The following PTPRK variants were observed in gnomAD, a reference collection of about 807,000 sequenced individuals.
PTPRK encodes receptor-type tyrosine-protein phosphatase kappa.
In PTPRK, 75 loss-of-function variants were observed where a neutral mutation model predicts 178.0. That is an observed-to-expected ratio of 0.42 (90% confidence interval 0.35 to 0.51). The LOEUF (loss-of-function observed/expected upper bound fraction) is 0.51, where lower values mean the gene tolerates loss of function less well. Ranked by LOEUF, PTPRK falls within the 20% of genes least tolerant of loss-of-function variation. PTPRK has a pLI of 0.02. For missense variants in PTPRK, 1,441 were observed against 1,797.8 expected (o/e 0.80, Z 3.59); for synonymous variants, 637 against 620.6 (o/e 1.03, Z -0.39).
chr6:128,280,156 T>G (rs1821441305), intron 3 of PTPRK, among the ~76,000 whole-genome samples: 1 of 152,146 alleles, frequency 6.6e-6, no homozygotes, highest in Non-Finnish European at 1.5e-5. Flanking sequence ...CTTATCAAAC[T>G]TAATATCTCC....
At chr6:128,186,720 A>G (rs1287741706) in intron 6 of PTPRK, among the ~76,000 whole-genome samples, 1 of 152,142 alleles carries the variant, frequency 6.6e-6, no homozygotes, top group Non-Finnish European at 1.5e-5. Context: ...AAATTTTACC[A>G]ACTGCTCTAA....
rs536250906 is a variant in PTPRK at position 128,201,710 on chromosome 6, A to C, written c.869-16985T>G. 3.9e-5 allele frequency among the ~76,000 whole-genome samples: 6 copies of C among 152,090 alleles called. No individual in the cohort carries two copies. In the East Asian group the frequency reaches 9.7e-4, roughly 25 times the overall value. The stretch of plus-strand genomic sequence containing the variant: ...CCCATCTCTATTAAAAAATATATAT[A>C]TTTTACTAAATCAAATTTTAAAAAT... On this transcript the variant is annotated intron_variant, in intron 6 of 29. Transcript: ENST00000368226.
chr6:128,017,908 A>G (rs534245957), intron 13 of PTPRK, among the ~76,000 whole-genome samples: 8 of 146,534 alleles, frequency 5.5e-5, no homozygotes, highest in African/African-American at 2.0e-4. Context: ...GATGTGTCCT[A>G]TCCAGGGTAG....
chr6:128,516,501 C>CA (rs71685138), intron 1 of PTPRK, among the ~76,000 whole-genome samples: 10 of 151,786 alleles, frequency 6.6e-5, no homozygotes, highest in Non-Finnish European at 1.0e-4. Flanking sequence ...CAATCAAAAC[C>CA]AAAAAAAACT....
At chr6:128,235,177 AAAT>A (rs770719781) in intron 5 of PTPRK, among the ~76,000 whole-genome samples, 1 of 152,162 alleles carries the variant, frequency 6.6e-6, no homozygotes, top group African/African-American at 2.4e-5. Flanking sequence ...TAAAAAATAA[AAAT>A]AATTCAAGAA....
chr6:128,256,508 T>C (rs969972066), intron 3 of PTPRK, among the ~76,000 whole-genome samples: 12 of 151,818 alleles, frequency 7.9e-5, no homozygotes, highest in Non-Finnish European at 1.3e-4. Flanking sequence ...AGTGGCGATC[T>C]TGGCTCACTG....
chr6:128,238,165 C>T, intron 5 of PTPRK: 1 of 362,266 alleles, frequency 2.8e-6, no homozygotes, highest in South Asian at 2.0e-5. Context: ...TACATAAATT[C>T]ACCATTCTGT....
At chr6:128,508,778 A>G (rs1856737449) in intron 1 of PTPRK, among the ~76,000 whole-genome samples, 1 of 152,038 alleles carries the variant, frequency 6.6e-6, no homozygotes, top group Admixed American at 6.5e-5. Context: ...TCCCGCCTCT[A>G]CTAAAAACAC....
chr6:128,412,671 C>T (rs951827228), intron 1 of PTPRK, among the ~76,000 whole-genome samples: 2 of 152,206 alleles, frequency 1.3e-5, no homozygotes, highest in African/African-American at 2.4e-5. Flanking sequence ...AAAGAAGATA[C>T]ATTTTTGTAC....
chr6:128,105,183 G>C (rs915478930), intron 7 of PTPRK, among the ~76,000 whole-genome samples: 2 of 151,120 alleles, frequency 1.3e-5, no homozygotes, highest in Non-Finnish European at 2.9e-5. Context: ...GCCCAGGCTG[G>C]AGTGCAGTGG....
At chr6:128,268,506 G>T (rs377720927) in intron 3 of PTPRK, among the ~76,000 whole-genome samples, 1 of 151,974 alleles carries the variant, frequency 6.6e-6, no homozygotes, top group African/African-American at 2.4e-5. Context: ...TCTTGGGAAT[G>T]GGGTCCTTAT....
At chr6:128,408,065 C>T (rs977458896) in intron 1 of PTPRK, among the ~76,000 whole-genome samples, 3 of 152,134 alleles carry the variant, frequency 2.0e-5, no homozygotes, top group East Asian at 1.9e-4. Context: ...GTTTCTGACA[C>T]GGACATCCTG....
intron 5 of PTPRK, among the ~76,000 whole-genome samples, chr6:128,233,982 A>G (rs1812770448): frequency 6.6e-6 from 1 of 152,208 alleles, no homozygotes; most frequent in Non-Finnish European, 1.5e-5. Context: ...GCCAAAGCAT[A>G]TGGTCTGACA....
At chr6:128,453,815 CTA>C (rs780101987) in intron 1 of PTPRK, among the ~76,000 whole-genome samples, 2 of 152,122 alleles carry the variant, frequency 1.3e-5, no homozygotes, top group Non-Finnish European at 2.9e-5. Context: ...AAACTGAAAA[CTA>C]TGATGCATGC....
intron 7 of PTPRK, among the ~76,000 whole-genome samples, chr6:128,161,539 C>G (rs766613616): frequency 4.0e-5 from 6 of 151,594 alleles, no homozygotes; most frequent in Non-Finnish European, 7.4e-5. Context: ...AACAACCATT[C>G]AAACTTGTTT....
chr6:128,001,198 G>T, intron 15 of PTPRK: 1 of 1,532,808 alleles, frequency 6.5e-7, no homozygotes. Context: ...ACACTTACCT[G>T]TTATAGGAAC....
At chr6:128,044,616 T>C (rs1433434219) in intron 13 of PTPRK, among the ~76,000 whole-genome samples, 3 of 148,768 alleles carry the variant, frequency 2.0e-5, no homozygotes, top group African/African-American at 7.4e-5. Context: ...TTCTCCTTGG[T>C]AAGCTCTTCT....
chr6:128,237,403 G>A (rs1813489754), intron 5 of PTPRK, among the ~76,000 whole-genome samples: 1 of 152,178 alleles, frequency 6.6e-6, no homozygotes, highest in Admixed American at 6.5e-5. Flanking sequence ...AGTACTAGCA[G>A]CAGATATTTT....
chr6:128,194,070 T>TATATA (rs1222166687), intron 6 of PTPRK, among the ~76,000 whole-genome samples: 3 of 131,284 alleles, frequency 2.3e-5, no homozygotes, highest in Middle Eastern at 4.0e-3. Context: ...ATATATATTA[T>TATATA]TATTATTATT....
Sources: allele counts gnomAD v4.1 joint callset (sites outside exome capture counted in the v4.1 genomes callset), GRCh38; gene constraint gnomAD v4.1.1; transcripts MANE v1.5; gene names NCBI Gene and HGNC (gene_info 2026-07-23, HGNC 2026-07-21).